Variants in PTPRN2 observed in about 807,000 individuals in gnomAD.
The protein encoded by PTPRN2 is protein tyrosine phosphatase receptor type N2.
In PTPRN2, 74 loss-of-function variants were observed where a neutral mutation model predicts 118.8. The ratio of observed to expected loss-of-function variants is 0.62; its 90% CI spans 0.52 to 0.76. The LOEUF (loss-of-function observed/expected upper bound fraction) is 0.76, where lower values mean the gene tolerates loss of function less well. Ranked by LOEUF, PTPRN2 falls within the 30% of genes least tolerant of loss-of-function variation. PTPRN2 has a pLI of 0.00. For missense variants in PTPRN2, 1,481 were observed against 1,394.4 expected (o/e 1.06, Z -0.99); for synonymous variants, 641 against 608.0 (o/e 1.05, Z -0.80).
chr7:158,114,084 C>CA (rs1007888230), intron 9 of PTPRN2, among the ~76,000 whole-genome samples: 25 of 152,138 alleles, frequency 1.6e-4, no homozygotes, highest in Non-Finnish European at 3.4e-4. Context: ...CCAAACCAAA[C>CA]AAAAAAACCC....
intron 4 of PTPRN2, among the ~76,000 whole-genome samples, chr7:158,195,796 T>C (rs1376677024): frequency 6.6e-6 from 1 of 152,222 alleles, no homozygotes; most frequent in Non-Finnish European, 1.5e-5. Flanking sequence ...TGATGAATTT[T>C]ATGAGTTGCA....
chr7:158,435,979 C>A (rs375369514), intron 2 of PTPRN2, among the ~76,000 whole-genome samples: 1 of 152,122 alleles, frequency 6.6e-6, no homozygotes, highest in African/African-American at 2.4e-5. Context: ...GCAGGATGAA[C>A]GAGTGCTAGA....
At chr7:157,630,629 C>T (rs1038614229) in intron 14 of PTPRN2, among the ~76,000 whole-genome samples, 1 of 152,212 alleles carries the variant, frequency 6.6e-6, no homozygotes, top group African/African-American at 2.4e-5. Context: ...GATATGCACA[C>T]ATTACCAAAA....
rs1262440524 is a variant in PTPRN2 at position 158,337,595 on chromosome 7, A to C, written c.164-20663T>G. On this transcript the variant is annotated intron_variant, in intron 2 of 22. Transcript: ENST00000389418. Reference sequence around the variant, plus strand: ...TTGGTGACACCTGCAGACGTCACTCACACCCACACTCTCACCATAAGAGGA... The same window carrying C: ...TTGGTGACACCTGCAGACGTCACTCCCACCCACACTCTCACCATAAGAGGA... Among the ~76,000 whole-genome samples, 96 of 93,790 alleles carry C rather than the reference A, an allele frequency of 1.0e-3. 1 individual carries two copies. Among genetic ancestry groups the C allele is most frequent in the African/African-American group, 3.6e-3 (91 of 25,598 alleles). 61.5% of individuals were successfully genotyped at this position (93,790 alleles called of 152,430 possible). A position where few individuals can be genotyped will look rare whatever the true frequency, so the allele number is the denominator to read the frequency against.
chr7:158,149,352 C>T (rs73745155), intron 6 of PTPRN2, among the ~76,000 whole-genome samples: 8,439 of 151,882 alleles, frequency 0.056, 791 homozygotes, highest in African/African-American at 0.19. Flanking sequence ...TTAACAACTA[C>T]ATTGACATAA....
chr7:158,341,355 GTAACACA>G (rs1806733793), intron 2 of PTPRN2, among the ~76,000 whole-genome samples: 1 of 126,408 alleles, frequency 7.9e-6, no homozygotes, highest in East Asian at 2.4e-4. Flanking sequence ...ACCATAAGAG[GTAACACA>G]TGCAGACGTC....
intron 3 of PTPRN2, among the ~76,000 whole-genome samples, chr7:158,217,965 C>G (rs1383179895): frequency 6.6e-6 from 1 of 152,120 alleles, no homozygotes; most frequent in African/African-American, 2.4e-5. Flanking sequence ...AAAACTATGA[C>G]TCACTGGCAT....
At chr7:157,928,220 C>T (rs1194492174) in intron 11 of PTPRN2, among the ~76,000 whole-genome samples, 1 of 152,162 alleles carries the variant, frequency 6.6e-6, no homozygotes, top group Non-Finnish European at 1.5e-5. Context: ...AGATACAGGA[C>T]CCGACCCAGA....
At chr7:157,958,263 C>G (rs1309382761) in intron 11 of PTPRN2, among the ~76,000 whole-genome samples, 1 of 152,004 alleles carries the variant, frequency 6.6e-6, no homozygotes, top group Non-Finnish European at 1.5e-5. Context: ...ATAATAAAGG[C>G]CATATATGAA....
At chr7:157,788,692 C>T (rs1460253901) in intron 12 of PTPRN2, among the ~76,000 whole-genome samples, 3 of 152,240 alleles carry the variant, frequency 2.0e-5, no homozygotes, top group Non-Finnish European at 4.4e-5. Flanking sequence ...CTGAAGGCCT[C>T]TGGGGCCACC....
At chr7:158,219,258 G>A (rs1159478357) in intron 3 of PTPRN2, among the ~76,000 whole-genome samples, 1 of 151,908 alleles carries the variant, frequency 6.6e-6, no homozygotes, top group Admixed American at 6.6e-5. Context: ...TAAAAAACAA[G>A]AAGATCTCTC....
At chr7:158,554,911 C>T (rs1826876912) in intron 1 of PTPRN2, among the ~76,000 whole-genome samples, 1 of 152,162 alleles carries the variant, frequency 6.6e-6, no homozygotes, top group South Asian at 2.1e-4. Flanking sequence ...AGACAGCCGC[C>T]TCACCTCCCC....
Position 158,167,105 on chromosome 7 carries a change from G to A in PTPRN2, c.736C>T (p.Leu246Phe). ...GGCCTCTGGGCAGCATAGGCACTGA[G>A]GGCCGCCATCAGATGGTGTCTGTCC... ...GVDRHHLMAA[L>F]SAYAAQRPPA... Residue 246 changes from leucine (L) to phenylalanine (F), a missense_variant, in exon 6 of 23, where the codon CTC becomes TTC. Leu to Phe is a conservative substitution (Grantham distance 22). Around this residue, in one of 3 missense-constraint regions of PTPRN2, gnomAD observed 1,115 missense variants for 994.2 expected, o/e 1.12. Coordinates refer to ENST00000389418, the MANE Select transcript of PTPRN2 (RefSeq NM_002847.5). 6.2e-7 allele frequency: 1 copy of A among 1,613,214 alleles called. No homozygotes were observed. The highest frequency in any genetic ancestry group is 8.5e-7 in the Non-Finnish European group (1 of 1,179,602).
intron 12 of PTPRN2, among the ~76,000 whole-genome samples, chr7:157,875,774 C>T (rs1319863545): frequency 1.4e-5 from 2 of 147,710 alleles, no homozygotes; most frequent in African/African-American, 2.5e-5. Context: ...GCCGAGCCCC[C>T]AGGCCAGGCA....
At chr7:158,273,343 G>C (rs932563339) in intron 3 of PTPRN2, among the ~76,000 whole-genome samples, 3 of 150,198 alleles carry the variant, frequency 2.0e-5, no homozygotes, top group African/African-American at 7.6e-5. Flanking sequence ...AGGAGATGCA[G>C]AACCAAGGGC....
intron 1 of PTPRN2, among the ~76,000 whole-genome samples, chr7:158,550,059 A>C (rs1356070846): frequency 6.6e-6 from 1 of 152,156 alleles, no homozygotes; most frequent in Non-Finnish European, 1.5e-5. Context: ...TGGGGCTTTC[A>C]CACGAGAGCA....
chr7:158,406,613 C>T (rs540679164), intron 2 of PTPRN2, among the ~76,000 whole-genome samples: 57 of 152,346 alleles, frequency 3.7e-4, no homozygotes, highest in Middle Eastern at 3.4e-3. Flanking sequence ...CAGTCTCTCC[C>T]GCGGACCTGA....
intron 3 of PTPRN2, among the ~76,000 whole-genome samples, chr7:158,283,098 C>A (rs1255829926): frequency 6.6e-6 from 1 of 152,220 alleles, no homozygotes; most frequent in Non-Finnish European, 1.5e-5. Flanking sequence ...GAGAAGAGAA[C>A]TGAGGAAAGG....
intron 2 of PTPRN2, among the ~76,000 whole-genome samples, chr7:158,355,594 C>G (rs1808327957): frequency 6.6e-6 from 1 of 152,208 alleles, no homozygotes; most frequent in African/African-American, 2.4e-5. Flanking sequence ...AGGCTGGGCC[C>G]CAGAAGCACG....
Sources: gnomAD v4.1 joint callset for allele counts (sites outside exome capture counted in the v4.1 genomes callset) on GRCh38, gnomAD v4.1.1 for gene constraint, gnomAD v4.1.1 regional missense constraint, MANE v1.5 for transcripts, NCBI Gene and HGNC (gene_info 2026-07-23, HGNC 2026-07-21) for gene names.